The following IQSEC3 variants were observed in gnomAD, a reference collection of about 807,000 sequenced individuals.
The protein encoded by IQSEC3 is IQ motif and SEC7 domain-containing protein 3.
Under a neutral mutation model 105.4 loss-of-function variants are expected in IQSEC3, and 50 were observed. The ratio of observed to expected loss-of-function variants is 0.47; its 90% CI spans 0.38 to 0.60. The LOEUF (loss-of-function observed/expected upper bound fraction) is 0.60. Ranked by LOEUF, IQSEC3 falls within the 20% of genes least tolerant of loss-of-function variation. The pLI is 0.00. For missense variants in IQSEC3, 1,415 were observed against 1,630.0 expected, an observed-to-expected ratio of 0.87 and a Z score of 2.27; for synonymous variants, 708 against 746.0, an observed-to-expected ratio of 0.95 and a Z score of 0.83.
Position 138,948 on chromosome 12 carries a change from C to G in IQSEC3, c.1585C>G (p.Gln529Glu). The change falls in exon 4 of 14, where the codon CAG becomes GAG. Residue 529 changes from glutamine to glutamate, a missense_variant. Transcript: ENST00000538872. The surrounding 1 kb of genome is among the most constrained non-coding windows in gnomAD (Gnocchi z 7.1). ...AGAGCCCGCGGCGGGCAAGGCCGAG[C>G]AGGGCGAGACCTCTGGGCGGGAGGC... ...PAEPAAGKAE[Q>E]GETSGREAPE... 1 of 1,576,420 alleles carries G rather than the reference C, an allele frequency of 6.3e-7. No individual in the cohort carries two copies. The highest frequency in any genetic ancestry group is 1.1e-5 in the South Asian group (1 of 87,358).
At chr12:114,149 C>A (rs781816986) in intron 2 of IQSEC3, among the ~76,000 whole-genome samples, 1 of 152,184 alleles carries the variant, frequency 6.6e-6, no homozygotes, top group Non-Finnish European at 1.5e-5. Flanking sequence ...GGACTGCATA[C>A]GTGCTAGCTA....
chr12:117,579 G>A (rs1162112872), intron 2 of IQSEC3, among the ~76,000 whole-genome samples: 1 of 152,186 alleles, frequency 6.6e-6, no homozygotes, highest in Admixed American at 6.5e-5. Flanking sequence ...GGCCCACCTT[G>A]AGGGAGTGGC....
chr12:101,882 G>A (rs965240817), intron 2 of IQSEC3, among the ~76,000 whole-genome samples: 1 of 152,086 alleles, frequency 6.6e-6, no homozygotes, highest in Non-Finnish European at 1.5e-5. Flanking sequence ...CCCTACCAAC[G>A]ATTCCTTCAC....
intron 8 of IQSEC3, 85 bp downstream of exon 8, chr12:162,150 CA>C (rs1866921251): frequency 4.1e-6 from 6 of 1,472,348 alleles, no homozygotes; most frequent in South Asian, 1.3e-5. Flanking sequence ...CTTACCTTTC[CA>C]AAACTCTTTT....
Position 165,833 on chromosome 12 carries a change from G to A in IQSEC3, c.2914G>A (p.Glu972Lys). Residue 972 changes from glutamate to lysine, a missense_variant, in exon 11 of 14, where the codon GAG (glutamate) becomes AAG (lysine). This residue lies in a region of IQSEC3 where 419 missense variants were observed against 436.2 expected (regional missense o/e 0.96). Coordinates refer to ENST00000538872, the MANE Select transcript of IQSEC3 (RefSeq NM_001170738.2). ...LGSDEMQKFV[E>K]DLKESIAEVT... ...CTCGGACGAGATGCAGAAGTTCGTG[G>A]AGGACCTGAAGGAGTCCATTGCTGA... The A allele has an allele frequency of 2.5e-6, 4 of 1,614,134 alleles. No individual in the cohort carries two copies. Among genetic ancestry groups the A allele is most frequent in the Non-Finnish European group, 1.7e-6 (2 of 1,180,030 alleles).
At chr12:160,447 C>A (rs1866849238) in intron 7 of IQSEC3, among the ~76,000 whole-genome samples, 1 of 152,076 alleles carries the variant, frequency 6.6e-6, no homozygotes, top group African/African-American at 2.4e-5. Context: ...ATCTGTTGCC[C>A]AGAATGTATG....
intron 5 of IQSEC3, among the ~76,000 whole-genome samples, chr12:154,161 C>G (rs1345310449): frequency 6.6e-6 from 1 of 152,244 alleles, no homozygotes; most frequent in African/African-American, 2.4e-5. Context: ...CTGCTTCCCC[C>G]ATCCCGGTCC....
chr12:172,997 T>C (rs563016389), intron 13 of IQSEC3, among the ~76,000 whole-genome samples: 2 of 152,098 alleles, frequency 1.3e-5, no homozygotes, highest in Non-Finnish European at 2.9e-5. Context: ...GACATTCGCC[T>C]GGGGAGAGGC....
At chr12:127,269 C>T (rs781843112) in intron 3 of IQSEC3, among the ~76,000 whole-genome samples, 7 of 152,128 alleles carry the variant, frequency 4.6e-5, no homozygotes, top group Non-Finnish European at 7.4e-5. Context: ...ACCTGTAATC[C>T]CAGCACTTTG....
chr12:137,881 C>G (rs1300543612), intron 3 of IQSEC3, among the ~76,000 whole-genome samples: 1 of 151,138 alleles, frequency 6.6e-6, no homozygotes, highest in Non-Finnish European at 1.5e-5. Context: ...CCAGCCTGGT[C>G]GCAAACTCCT....
intron 2 of IQSEC3, among the ~76,000 whole-genome samples, chr12:122,018 C>A (rs183074918): frequency 1.3e-5 from 2 of 152,228 alleles, no homozygotes; most frequent in East Asian, 1.9e-4. Flanking sequence ...AACATTGCCA[C>A]GTTGAGAACA....
chr12:161,538 G>C (rs1413727172), intron 7 of IQSEC3, among the ~76,000 whole-genome samples: 3 of 152,188 alleles, frequency 2.0e-5, no homozygotes, highest in African/African-American at 7.2e-5. Flanking sequence ...TCCTTATGAT[G>C]CTGGAGTGGT....
At position 139,061 on chromosome 12, in the gene IQSEC3, C is replaced by T; in HGVS notation, c.1698C>T (p.Ala566=). Residue 566 remains alanine (A), a synonymous_variant, in exon 4 of 14, where the codon GCC becomes GCT. Coordinates refer to ENST00000538872, the MANE Select transcript of IQSEC3 (RefSeq NM_001170738.2). The part of the protein sequence containing the change: ...EAAASGAADG[A]TAPKTEEEEE... ...CGGCTAGTGGGGCGGCGGATGGGGCCACAGCCCCCAAAACAGAGGAGGAAG... is the reference window on the plus strand; with the variant it reads ...CGGCTAGTGGGGCGGCGGATGGGGCTACAGCCCCCAAAACAGAGGAGGAAG... 6.7e-7 allele frequency: 1 copy of T among 1,488,360 alleles called. No homozygotes were observed. The highest frequency in any genetic ancestry group is 8.9e-7 in the Non-Finnish European group (1 of 1,118,180). The allele number at this position is 1,488,360 out of a possible 1,614,324, so 92.2% of individuals were successfully genotyped here. A position where few individuals can be genotyped will look rare whatever the true frequency, so the allele number is the denominator to read the frequency against.
chr12:130,036 C>T (rs991762733), intron 3 of IQSEC3, among the ~76,000 whole-genome samples: 6 of 152,216 alleles, frequency 3.9e-5, no homozygotes, highest in African/African-American at 1.4e-4. Flanking sequence ...ACCAGGGCAC[C>T]AGCCTACAGA....
At chr12:150,796 T>C (rs1866476584) in intron 5 of IQSEC3, among the ~76,000 whole-genome samples, 2 of 152,082 alleles carry the variant, frequency 1.3e-5, no homozygotes, top group African/African-American at 4.8e-5. Flanking sequence ...AGAGGCAGTG[T>C]CTAGAGAGCA....
At chr12:125,548 G>A (rs1555082970) in intron 2 of IQSEC3, 85 bp from the exon 3 acceptor site, 3 of 1,337,712 alleles carry the variant, frequency 2.2e-6, no homozygotes, top group Non-Finnish European at 2.9e-6. Context: ...AGGCCAGAGT[G>A]CCTAGCTTCT....
In IQSEC3 at chr12:125,921, G is replaced by A. The variant is rs1591685763; in HGVS notation, c.903+9G>A. On this transcript the variant is annotated intron_variant, in intron 3 of 13. Coordinates refer to ENST00000538872, the MANE Select transcript of IQSEC3 (RefSeq NM_001170738.2). ...ACCTAAAGAATAAACAGGTACCCAG[G>A]GCCTCCTAGGGGGGCGGGGAGGGTG... 1 of 1,530,932 alleles carries A rather than the reference G, an allele frequency of 6.5e-7. No homozygotes were observed. Among genetic ancestry groups the A allele is most frequent in the Non-Finnish European group, 8.7e-7 (1 of 1,145,394 alleles). The allele number at this position is 1,530,932 out of a possible 1,614,324, so 94.8% of individuals were successfully genotyped here.
rs536533858 is a variant in IQSEC3 at position 139,205 on chromosome 12, G to A, written c.1842G>A (p.Ser614=). ...CCGCCAAGTCAGGCTCGGAGGCGTC[G>A]GCCTCCGCCTCCAAGGACGCCCTGC... The part of the protein sequence containing the change: ...TKSAKSGSEA[S]ASASKDALQA... Residue 614 remains serine (S), a synonymous_variant, in exon 4 of 14, where the codon TCG becomes TCA. Coordinates refer to ENST00000538872, the MANE Select transcript of IQSEC3 (RefSeq NM_001170738.2). The A allele has an allele frequency of 6.3e-7, 1 of 1,592,410 alleles. No individual in the cohort carries two copies.
At chr12:146,660 G>A (rs1477528539) in intron 5 of IQSEC3, among the ~76,000 whole-genome samples, 3 of 138,750 alleles carry the variant, frequency 2.2e-5, no homozygotes, top group African/African-American at 7.8e-5. Context: ...TCTCAAAAAA[G>A]AAGAAAGAAA....
Sources: allele counts gnomAD v4.1 joint callset (sites outside exome capture counted in the v4.1 genomes callset), GRCh38; gene constraint gnomAD v4.1.1; regional missense constraint gnomAD v4.1.1; non-coding constraint Gnocchi (gnomAD v3.1); transcripts MANE v1.5; gene names NCBI Gene and HGNC (gene_info 2026-07-23, HGNC 2026-07-21).